The following SOCS7 variants were observed in gnomAD, a reference collection of about 807,000 sequenced individuals.
SOCS7 encodes suppressor of cytokine signaling 7, also known as NAP-4.
A neutral mutation model predicts 58.9 loss-of-function variants in SOCS7; 18 were observed. The observed-to-expected ratio is 0.31, with a 90% CI of 0.21 to 0.45. SOCS7 has a LOEUF of 0.45. Among genes scored for constraint, SOCS7 ranks in the 20% least tolerant of loss-of-function variants. SOCS7 has a pLI of 1.00. For synonymous variants in SOCS7, 388 were observed against 364.3 expected (o/e 1.06, Z -0.74); for missense variants, 667 against 837.3 (o/e 0.80, Z 2.51).
intron 6 of SOCS7, 143 bp downstream of exon 6, chr17:38,368,193 A>T: frequency 1.5e-6 from 1 of 667,632 alleles, no homozygotes; most frequent in Non-Finnish European, 2.4e-6. Flanking sequence ...TATTGATATG[A>T]GCGCTGATTT....
In SOCS7 at chr17:38,399,766, A is replaced by T. The variant is rs1892476856; in HGVS notation, c.*284A>T. 1 of 152,582 alleles carries T rather than the reference A, an allele frequency of 6.6e-6. No homozygotes were observed. The highest frequency in any genetic ancestry group is 2.4e-5 in the African/African-American group (1 of 41,420). 9.5% of individuals were successfully genotyped at this position (152,582 alleles called of 1,614,324 possible). On this transcript the variant is annotated 3_prime_UTR_variant, in exon 10 of 10. Coordinates refer to ENST00000612932, the MANE Select transcript of SOCS7 (RefSeq NM_014598.4). ...GTCTCAACACTGTTTCTTTTTCAGA[A>T]GTTTTGTTTTTGATATTTATATTAC... is the stretch of plus-strand genomic sequence containing the variant.
chr17:38,376,710 T>C (rs2037935511), intron 6 of SOCS7, among the ~76,000 whole-genome samples: 1 of 150,694 alleles, frequency 6.6e-6, no homozygotes, highest in African/African-American at 2.4e-5. Flanking sequence ...CCAGCCTGGG[T>C]GCCAGAGCAA....
At chr17:38,386,530 A>G (rs527500963) in intron 7 of SOCS7, among the ~76,000 whole-genome samples, 2 of 152,146 alleles carry the variant, frequency 1.3e-5, no homozygotes, top group East Asian at 1.9e-4. Flanking sequence ...TGGCATGCCC[A>G]TAGGAAACAC....
chr17:38,364,323 G>T (rs1037212588), intron 2 of SOCS7, among the ~76,000 whole-genome samples: 6 of 152,158 alleles, frequency 3.9e-5, no homozygotes, highest in African/African-American at 1.4e-4. Flanking sequence ...ACAGTTCTTA[G>T]GTTTTCTGGC....
intron 5 of SOCS7, among the ~76,000 whole-genome samples, chr17:38,366,730 A>C (rs937800226): frequency 2.0e-5 from 3 of 151,974 alleles, no homozygotes. Flanking sequence ...CCTGGGCTCA[A>C]CGTGATCCTC....
rs1567750896 is a variant in SOCS7 at position 38,389,879 on chromosome 17, ATATG to A, written c.1682-5427_1682-5424del. Among the ~76,000 whole-genome samples the A allele has an allele frequency of 7.7e-4, 80 of 104,146 alleles. 9 individuals are homozygous for A. The highest frequency in any genetic ancestry group is 1.2e-3 in the Non-Finnish European group (68 of 56,546). 68.3% of individuals were successfully genotyped at this position (104,146 alleles called of 152,430 possible). ...TGTGTATGTGTGTACATATATATAT[ATATG>A]TACATATATATATATACACATATAG... On this transcript the variant is annotated intron_variant, in intron 7 of 9. Transcript: ENST00000612932.
intron 8 of SOCS7, 146 bp downstream of exon 8, chr17:38,395,590 C>A: frequency 1.0e-6 from 1 of 953,670 alleles, no homozygotes; most frequent in Non-Finnish European, 1.6e-6. Context: ...TTTCCTGTGT[C>A]TTAGCACCTA....
intron 6 of SOCS7, among the ~76,000 whole-genome samples, chr17:38,374,183 G>A (rs1469707236): frequency 1.3e-5 from 2 of 152,216 alleles, no homozygotes; most frequent in African/African-American, 4.8e-5. Flanking sequence ...TTGCTTCGCT[G>A]CACTCCAGCC....
chr17:38,382,534 G>A (rs2038016958), intron 7 of SOCS7, among the ~76,000 whole-genome samples: 1 of 151,672 alleles, frequency 6.6e-6, no homozygotes, highest in African/African-American at 2.4e-5. Context: ...CACCCAGGCT[G>A]GAGTGCAATG....
intron 7 of SOCS7, 119 bp downstream of exon 7, chr17:38,377,961 C>A: frequency 1.2e-6 from 1 of 864,040 alleles, no homozygotes; most frequent in Non-Finnish European, 1.8e-6. Flanking sequence ...CTGTTGGAGC[C>A]ACCACTCCTC....
Position 38,367,886 on chromosome 17 carries a change from G to A in SOCS7, c.1388G>A (p.Gly463Asp). 1 of 1,613,924 alleles carries A rather than the reference G, an allele frequency of 6.2e-7. No individual in the cohort carries two copies. Among genetic ancestry groups the A allele is most frequent in the Non-Finnish European group, 8.5e-7 (1 of 1,179,868 alleles). Residue 463 changes from glycine (G) to aspartate (D), a missense_variant, in exon 6 of 10, where the codon GGT becomes GAT. Around this residue, in one of 9 missense-constraint regions of SOCS7, gnomAD observed 76 missense variants for 194.5 expected, o/e 0.39. Coordinates refer to ENST00000612932, the MANE Select transcript of SOCS7 (RefSeq NM_014598.4). ...ACTGCTTCTTGTCTTTGATAGTGTG[G>A]TTGGTATTGGGGGCCAATGAATTGG... ...AASLRELEKC[G>D]WYWGPMNWED...
chr17:38,370,424 C>T (rs1786120964), intron 6 of SOCS7, among the ~76,000 whole-genome samples: 1 of 152,124 alleles, frequency 6.6e-6, no homozygotes, highest in African/African-American at 2.4e-5. Context: ...GTCGTAGCCT[C>T]AACCTCCCAG....
rs2038345550 is a variant in SOCS7 at position 38,403,203 on chromosome 17, C to A, written c.*3721C>A. 1 of 152,188 alleles carries A rather than the reference C, an allele frequency of 6.6e-6. No individual in the cohort carries two copies. The highest frequency in any genetic ancestry group is 1.5e-5 in the Non-Finnish European group (1 of 68,062). 9.4% of individuals were successfully genotyped at this position (152,188 alleles called of 1,614,324 possible). A position where few individuals can be genotyped will look rare whatever the true frequency, so the allele number is the denominator to read the frequency against. On this transcript the variant is annotated 3_prime_UTR_variant, in exon 10 of 10. Transcript: ENST00000612932. ...GCATGGCTCCTGCTCCTTCCCCTTCCCTACATTTCACTTGGGCTAATGATG... is the reference window on the plus strand; with the variant it reads ...GCATGGCTCCTGCTCCTTCCCCTTCACTACATTTCACTTGGGCTAATGATG...
At chr17:38,395,278 TG>T in intron 7 of SOCS7, 30 bp from the exon 8 acceptor site, 1 of 1,611,190 alleles carries the variant, frequency 6.2e-7, no homozygotes, top group South Asian at 1.1e-5. Context: ...TTGTTTCCTC[TG>T]AATACTTTCC....
At chr17:38,393,709 G>A (rs940269487) in intron 7 of SOCS7, among the ~76,000 whole-genome samples, 6 of 151,016 alleles carry the variant, frequency 4.0e-5, no homozygotes, top group Non-Finnish European at 8.8e-5. Flanking sequence ...GACCATCCTG[G>A]TTAACACAGT....
intron 7 of SOCS7, among the ~76,000 whole-genome samples, chr17:38,383,344 GCTCT>G (rs2038027385): frequency 1.3e-5 from 2 of 152,236 alleles, no homozygotes; most frequent in East Asian, 1.9e-4. Context: ...TTTTCTCAGT[GCTCT>G]CTAAGATGTA....
intron 7 of SOCS7, among the ~76,000 whole-genome samples, chr17:38,381,258 G>A (rs959244671): frequency 3.3e-5 from 5 of 152,158 alleles, no homozygotes; most frequent in Non-Finnish European, 5.9e-5. Flanking sequence ...GAAGGATAGG[G>A]CCAAAGAAGA....
At chr17:38,366,227 T>G in intron 4 of SOCS7, 60 bp from the exon 5 acceptor site, 1 of 1,588,154 alleles carries the variant, frequency 6.3e-7, no homozygotes, top group Non-Finnish European at 8.6e-7. Context: ...TGGGGGAGGG[T>G]CTATTTGTGG....
At chr17:38,386,589 G>A (rs941198350) in intron 7 of SOCS7, among the ~76,000 whole-genome samples, 2 of 152,024 alleles carry the variant, frequency 1.3e-5, no homozygotes, top group African/African-American at 2.4e-5. Flanking sequence ...CTGTTCATTG[G>A]GAGTTGCAAA....
Sources: allele counts gnomAD v4.1 joint callset (sites outside exome capture counted in the v4.1 genomes callset), GRCh38; gene constraint gnomAD v4.1.1; regional missense constraint gnomAD v4.1.1; transcripts MANE v1.5; gene names NCBI Gene and HGNC (gene_info 2026-07-23, HGNC 2026-07-21).